The following TMEM87A variants were observed in gnomAD, a reference collection of about 807,000 sequenced individuals.
The protein encoded by TMEM87A is transmembrane protein 87A, also known as Golgi-pH regulating cation channel.
Under a neutral mutation model 90.0 loss-of-function variants are expected in TMEM87A, and 50 were observed. That is an observed-to-expected ratio of 0.56 (90% CI 0.44 to 0.70). The LOEUF (loss-of-function observed/expected upper bound fraction) is 0.70, where lower values mean the gene tolerates loss of function less well. Among genes scored for constraint, TMEM87A ranks in the 30% least tolerant of loss-of-function variants. The probability of loss-of-function intolerance (pLI) is 0.00; values close to 1 mark genes in which losing one functional copy is unlikely to be tolerated. For missense variants in TMEM87A, 577 were observed against 660.5 expected (o/e 0.87, Z 1.39); for synonymous variants, 226 against 226.7 (o/e 1.00, Z 0.03).
chr15:42,218,426 C>A (rs746307475), intron 17 of TMEM87A, 48 bp from the exon 18 acceptor site: 1 of 1,574,116 alleles, frequency 6.4e-7, no homozygotes, highest in Non-Finnish European at 8.7e-7. Flanking sequence ...CCACATAATA[C>A]ATCTCAAGTA....
chr15:42,249,854 A>T (rs1461409987), intron 6 of TMEM87A, among the ~76,000 whole-genome samples: 1 of 152,050 alleles, frequency 6.6e-6, no homozygotes, highest in Non-Finnish European at 1.5e-5. Context: ...CATTGATCTA[A>T]TATTGACAGT....
At chr15:42,268,946 C>A (rs751964967) in intron 2 of TMEM87A, among the ~76,000 whole-genome samples, 16 of 151,748 alleles carry the variant, frequency 1.1e-4, no homozygotes, top group Non-Finnish European at 1.9e-4. Context: ...ACAGAAAGAG[C>A]AATGAACGAA....
At chr15:42,219,019 T>C (rs150645966) in intron 17 of TMEM87A, 1 of 153,210 alleles carries the variant, frequency 6.5e-6, no homozygotes, top group East Asian at 1.9e-4. Flanking sequence ...CTAACTCACA[T>C]TCCTATCAAC....
chr15:42,244,046 TTA>T lies in TMEM87A; in HGVS notation c.622+2_622+3del. 6.5e-7 allele frequency: 1 copy of T among 1,535,112 alleles called. No individual in the cohort carries two copies. The highest frequency in any genetic ancestry group is 8.8e-7 in the Non-Finnish European group (1 of 1,142,054). ...ATAACCATTAAAAAAAAAACTGAACTTACTGGTAAAAAGATTACTCAGTGAAT... is the reference window on the plus strand; with the variant it reads ...ATAACCATTAAAAAAAAAACTGAACTCTGGTAAAAAGATTACTCAGTGAAT... On this transcript the variant is annotated splice_donor_variant and splice_donor_region_variant and intron_variant, in intron 7 of 19. Coordinates refer to ENST00000389834, the MANE Select transcript of TMEM87A (RefSeq NM_015497.5). LOFTEE classifies it high-confidence loss of function.
At chr15:42,243,512 AT>A (rs375255055) in intron 7 of TMEM87A, among the ~76,000 whole-genome samples, 2,433 of 129,556 alleles carry the variant, frequency 0.019, 55 homozygotes, top group African/African-American at 0.062. Flanking sequence ...ATGTTAATTA[AT>A]TTTTTTTTTT....
At position 42,231,620 on chromosome 15, in the gene TMEM87A, T is replaced by A. The variant is rs111873234; in HGVS notation, c.1063-360A>T. On this transcript the variant is annotated intron_variant, in intron 11 of 19. Transcript: ENST00000389834. Reference sequence around the variant, plus strand: ...CTATTATTGCAATTTTGGCTACAAGTCTGAAAAGACTTTTCTCGTATTTAA... The same window carrying A: ...CTATTATTGCAATTTTGGCTACAAGACTGAAAAGACTTTTCTCGTATTTAA... Among the ~76,000 whole-genome samples the A allele has an allele frequency of 8.1e-3, 1,230 of 152,276 alleles. 8 individuals are homozygous for A. The highest frequency in any genetic ancestry group is 0.037 in the Middle Eastern group (11 of 294).
chr15:42,264,697 A>G (rs374248953), intron 3 of TMEM87A, among the ~76,000 whole-genome samples: 4 of 16,682 alleles, frequency 2.4e-4, no homozygotes, highest in African/African-American at 3.0e-4. Context: ...ATATATATAT[A>G]TATTTTTTTT....
At chr15:42,262,739 GTCT>G (rs2051320181) in intron 4 of TMEM87A, among the ~76,000 whole-genome samples, 1 of 152,128 alleles carries the variant, frequency 6.6e-6, no homozygotes, top group African/African-American at 2.4e-5. Flanking sequence ...GACTAAATTT[GTCT>G]TCTTAATAAT....
chr15:42,211,645 C>T lies in TMEM87A; in HGVS notation c.*63G>A. ...TAATCCCATGGAGCCGTACAGAAGA[C>T]TGACACAGATGCTGATCTCTTCCCT... On this transcript the variant is annotated 3_prime_UTR_variant, in exon 20 of 20. Coordinates refer to ENST00000389834, the MANE Select transcript of TMEM87A (RefSeq NM_015497.5). 6.6e-7 allele frequency: 1 copy of T among 1,507,462 alleles called. No homozygotes were observed. The highest frequency in any genetic ancestry group is 9.2e-7 in the Non-Finnish European group (1 of 1,087,526). The allele number at this position is 1,507,462 out of a possible 1,614,324, so 93.4% of individuals were successfully genotyped here.
chr15:42,246,087 T>G (rs1202468964), intron 6 of TMEM87A, among the ~76,000 whole-genome samples: 1 of 152,242 alleles, frequency 6.6e-6, no homozygotes, highest in Non-Finnish European at 1.5e-5. Context: ...TTGCAACTAC[T>G]TATTTACTTC....
chr15:42,229,240 C>A (rs564973447), intron 12 of TMEM87A, among the ~76,000 whole-genome samples: 3 of 152,058 alleles, frequency 2.0e-5, no homozygotes, highest in African/African-American at 7.2e-5. Context: ...CTGACCTCAA[C>A]TGATCCTCCT....
At chr15:42,272,949 C>T (rs1477268910) in intron 1 of TMEM87A, 1 of 551,398 alleles carries the variant, frequency 1.8e-6, no homozygotes, top group African/African-American at 1.9e-5. Context: ...AGATAAACAA[C>T]TCTCCGTTTG....
At chr15:42,229,253 C>T (rs550566626) in intron 12 of TMEM87A, among the ~76,000 whole-genome samples, 51 of 152,186 alleles carry the variant, frequency 3.4e-4, no homozygotes, top group African/African-American at 1.2e-3. Flanking sequence ...ATCCTCCTGC[C>T]TTGGCCTCCC....
intron 15 of TMEM87A, among the ~76,000 whole-genome samples, chr15:42,224,971 T>C (rs2050562840): frequency 6.6e-6 from 1 of 152,208 alleles, no homozygotes; most frequent in African/African-American, 2.4e-5. Flanking sequence ...AATACAAATA[T>C]AGCTAGTGAG....
chr15:42,212,998 G>A (rs1395015608), intron 19 of TMEM87A, among the ~76,000 whole-genome samples: 1 of 152,178 alleles, frequency 6.6e-6, no homozygotes, highest in African/African-American at 2.4e-5. Flanking sequence ...AATTCCCTTT[G>A]TGGGAAATCC....
intron 2 of TMEM87A, among the ~76,000 whole-genome samples, 164 bp downstream of exon 2, chr15:42,271,898 TA>T (rs1327949085): frequency 1.3e-5 from 2 of 151,660 alleles, no homozygotes; most frequent in African/African-American, 4.8e-5. Context: ...TTCACACGAG[TA>T]CTTTGAAGAT....
intron 6 of TMEM87A, chr15:42,258,677 T>C (rs1180684958): frequency 2.6e-6 from 3 of 1,155,510 alleles, no homozygotes; most frequent in African/African-American, 1.6e-5. Context: ...TCTGCCCACC[T>C]TGGCCTCCCA....
At position 42,264,038 on chromosome 15, in the gene TMEM87A, A is replaced by C. The variant is rs529801419; in HGVS notation, c.405+52T>G. 44 of 1,436,334 alleles carry C rather than the reference A, an allele frequency of 3.1e-5. No homozygotes were observed. In the East Asian group the frequency reaches 9.6e-4, roughly 31 times the overall value. 89.0% of individuals were successfully genotyped at this position (1,436,334 alleles called of 1,614,324 possible). A position where few individuals can be genotyped will look rare whatever the true frequency, so the allele number is the denominator to read the frequency against. Reference sequence around the variant, plus strand: ...GAAGTGGATACAGCCAAAAATATATACATTCCAATTTTTGCCTATTCTATT... The same window carrying C: ...GAAGTGGATACAGCCAAAAATATATCCATTCCAATTTTTGCCTATTCTATT... On this transcript the variant is annotated intron_variant, in intron 4 of 19. Transcript: ENST00000389834.
intron 15 of TMEM87A, among the ~76,000 whole-genome samples, chr15:42,221,996 C>T (rs543290668): frequency 4.9e-4 from 75 of 152,186 alleles, no homozygotes; most frequent in Non-Finnish European, 1.1e-3. Context: ...CTCAAGCAAT[C>T]CTCCCGGCCA....
Sources: allele counts gnomAD v4.1 joint callset (sites outside exome capture counted in the v4.1 genomes callset), GRCh38; gene constraint gnomAD v4.1.1; transcripts MANE v1.5; gene names NCBI Gene and HGNC (gene_info 2026-07-23, HGNC 2026-07-21).